Variants in PRH1 observed in about 807,000 individuals in gnomAD.
PRH1 encodes proline rich protein HaeIII subfamily 1.
In PRH1, 7 loss-of-function variants were observed where a neutral mutation model predicts 7.9. The ratio of observed to expected loss-of-function variants is 0.89; its 90% CI spans 0.50 to 1.67. The LOEUF (loss-of-function observed/expected upper bound fraction) is 1.67, where lower values mean the gene tolerates loss of function less well. PRH1 is among the 40% of genes most tolerant of loss of function. The pLI is 0.00. For synonymous variants in PRH1, 45 were observed against 80.8 expected (o/e 0.56, Z 2.38); for missense variants, 109 against 223.6 (o/e 0.49, Z 3.27).
At chr12:11,040,688 A>G (rs905512418) in intron 1 of PRH1, among the ~76,000 whole-genome samples, 1 of 152,170 alleles carries the variant, frequency 6.6e-6, no homozygotes, top group Admixed American at 6.5e-5. Context: ...CTGCACATGT[A>G]CCCCAGAACT....
chr12:10,962,836 C>G (rs1938307766), intron 2 of PRH1, among the ~76,000 whole-genome samples: 2 of 152,212 alleles, frequency 1.3e-5, no homozygotes, highest in Non-Finnish European at 2.9e-5. Context: ...GTGGCGCGAT[C>G]TCGGCTCACT....
chr12:11,043,625 G>T (rs1265506510), intron 1 of PRH1, among the ~76,000 whole-genome samples: 1 of 151,746 alleles, frequency 6.6e-6, no homozygotes, highest in Non-Finnish European at 1.5e-5. Flanking sequence ...ATAAAAATTA[G>T]TAGTATTTCT....
intron 1 of PRH1, among the ~76,000 whole-genome samples, chr12:11,164,187 T>G (rs1947504227): frequency 6.6e-6 from 1 of 152,174 alleles, no homozygotes; most frequent in Non-Finnish European, 1.5e-5. Flanking sequence ...AGCATTGGAA[T>G]CTGTAGACCG....
chr12:10,932,236 A>G, intron 2 of PRH1: 1 of 437,716 alleles, frequency 2.3e-6, no homozygotes. Flanking sequence ...GAAGTGAATA[A>G]GAAGATGACA....
intron 2 of PRH1, among the ~76,000 whole-genome samples, chr12:10,949,128 CT>C (rs1402155275): frequency 6.6e-6 from 1 of 152,150 alleles, no homozygotes; most frequent in East Asian, 1.9e-4. Flanking sequence ...GTTTATATTC[CT>C]TTCCCAGTTT....
At chr12:11,010,118 C>T (rs1338654520) in intron 1 of PRH1, among the ~76,000 whole-genome samples, 2 of 151,954 alleles carry the variant, frequency 1.3e-5, no homozygotes, top group Non-Finnish European at 2.9e-5. Context: ...CAATTACTTG[C>T]TTAAGCAATG....
intron 1 of PRH1, among the ~76,000 whole-genome samples, chr12:11,038,443 A>G (rs1397739931): frequency 1.3e-5 from 2 of 152,278 alleles, no homozygotes; most frequent in African/African-American, 2.4e-5. Context: ...TTTATCACCA[A>G]TGTAATAAAT....
At chr12:11,038,860 C>G (rs1174870292) in intron 1 of PRH1, among the ~76,000 whole-genome samples, 46 of 151,386 alleles carry the variant, frequency 3.0e-4, no homozygotes, top group Non-Finnish European at 6.0e-4. Context: ...ATTTATAATT[C>G]TAGGAGTGGT....
rs142329434 is a variant in PRH1, at chr12:10,979,610, G to A, written c.-125-5889C>T. ...AAAATCTGGAGCAGAAGAACAGCAT[G>A]ATCAAATTTGCACTTTTGCAGGCTC... On this transcript the variant is annotated intron_variant, in intron 1 of 3. Coordinates refer to the PRH1 transcript ENST00000539853. 3.3e-5 allele frequency among the ~76,000 whole-genome samples: 5 copies of A among 152,310 alleles called. No homozygotes were observed. The East Asian group carries it at 9.6e-4, about 29-fold the overall frequency.
intron 2 of PRH1, among the ~76,000 whole-genome samples, chr12:10,943,790 C>G (rs1950441699): frequency 6.6e-6 from 1 of 152,152 alleles, no homozygotes; most frequent in Admixed American, 6.5e-5. Flanking sequence ...CTGCAGATAG[C>G]TAGCCAGTTA....
intron 1 of PRH1, among the ~76,000 whole-genome samples, chr12:11,067,271 C>A (rs1288647345): frequency 6.6e-6 from 1 of 152,154 alleles, no homozygotes; most frequent in Admixed American, 6.5e-5. Context: ...CAGGTGTACA[C>A]ATGATTAGTA....
At chr12:11,167,165 C>A (rs1947605523) in intron 1 of PRH1, among the ~76,000 whole-genome samples, 1 of 152,216 alleles carries the variant, frequency 6.6e-6, no homozygotes, top group Non-Finnish European at 1.5e-5. Context: ...GCCTCCTATA[C>A]CGTGTACCAT....
At chr12:10,949,750 T>C (rs1950541497) in intron 2 of PRH1, among the ~76,000 whole-genome samples, 1 of 152,110 alleles carries the variant, frequency 6.6e-6, no homozygotes, top group South Asian at 2.1e-4. Flanking sequence ...TATAAGTTTA[T>C]CTCCCATGTT....
At chr12:10,924,713 T>C (rs1186496303) in intron 2 of PRH1, among the ~76,000 whole-genome samples, 1 of 152,210 alleles carries the variant, frequency 6.6e-6, no homozygotes, top group African/African-American at 2.4e-5. Flanking sequence ...TTCAAATTCT[T>C]CCTGGTTTAG....
At chr12:11,159,952 A>G (rs1284785822) in intron 1 of PRH1, among the ~76,000 whole-genome samples, 1 of 152,216 alleles carries the variant, frequency 6.6e-6, no homozygotes, top group East Asian at 1.9e-4. Flanking sequence ...TCAGTCAGCT[A>G]CTATATAATT....
intron 1 of PRH1, among the ~76,000 whole-genome samples, chr12:11,100,476 G>A (rs1945201771): frequency 6.6e-6 from 1 of 152,170 alleles, no homozygotes; most frequent in Non-Finnish European, 1.5e-5. Flanking sequence ...AATTCAGTGA[G>A]CAGCACTGGA....
Position 11,110,444 on chromosome 12 carries a change from G to C in PRH1, n.123+60978C>G, listed in dbSNP as rs547117601. On this transcript the variant is annotated intron_variant and non_coding_transcript_variant, in intron 1 of 4. Coordinates refer to the PRH1 transcript ENST00000541977. ...AAAGGCTGAGTCACCAAAAAGAGAA[G>C]CCCATCAGACTAACAGCAGATCTCC... 7.2e-5 allele frequency among the ~76,000 whole-genome samples: 11 copies of C among 152,278 alleles called. No individual in the cohort carries two copies. In the South Asian group the frequency reaches 1.5e-3, roughly 20 times the overall value.
intron 1 of PRH1, chr12:11,076,879 AC>A (rs1944312367): frequency 8.6e-6 from 1 of 115,628 alleles, no homozygotes; most frequent in Non-Finnish European, 2.0e-5. Flanking sequence ...CCCCAAAGAT[AC>A]ATTCTCATCA....
chr12:11,034,000 G>A (rs1942335804), intron 1 of PRH1, among the ~76,000 whole-genome samples: 1 of 145,804 alleles, frequency 6.9e-6, no homozygotes, highest in Non-Finnish European at 1.5e-5. Context: ...CCTGATATAA[G>A]CAATATCCAT....
Sources: gnomAD v4.1 joint callset for allele counts (sites outside exome capture counted in the v4.1 genomes callset) on GRCh38, gnomAD v4.1.1 for gene constraint, MANE v1.5 for transcripts, NCBI Gene and HGNC (gene_info 2026-07-23, HGNC 2026-07-21) for gene names.